Variants in TMEM132D observed in about 807,000 individuals in gnomAD.
TMEM132D encodes transmembrane protein 132D, also known as mature OL transmembrane protein.
In TMEM132D, 21 loss-of-function variants were observed where a neutral mutation model predicts 62.3. That is an observed-to-expected ratio of 0.34 (90% CI 0.24 to 0.49). The LOEUF (loss-of-function observed/expected upper bound fraction) is 0.49. Ranked by LOEUF, TMEM132D falls within the 20% of genes least tolerant of loss-of-function variation. The pLI, the probability that TMEM132D is intolerant of heterozygous loss-of-function variation, is 0.99. For synonymous variants in TMEM132D, 621 were observed against 575.6 expected, an observed-to-expected ratio of 1.08 and a Z score of -1.13; for missense variants, 1,346 against 1,402.8, an observed-to-expected ratio of 0.96 and a Z score of 0.65.
chr12:129,147,294 G>GTA (rs1220769414), intron 5 of TMEM132D, among the ~76,000 whole-genome samples: 9 of 148,794 alleles, frequency 6.0e-5, no homozygotes, highest in African/African-American at 2.0e-4. Context: ...ATGTGCATAT[G>GTA]TATATATATA....
chr12:129,167,523 G>T (rs1877601186), intron 5 of TMEM132D, among the ~76,000 whole-genome samples: 1 of 152,062 alleles, frequency 6.6e-6, no homozygotes, highest in Admixed American at 6.6e-5. Context: ...GGAGTCAGGG[G>T]CCTCTGCAGG....
chr12:129,308,432 C>T (rs147934177), intron 4 of TMEM132D, among the ~76,000 whole-genome samples: 6 of 152,236 alleles, frequency 3.9e-5, no homozygotes, highest in African/African-American at 1.2e-4. Context: ...TATGGTACGT[C>T]GTGTACATAA....
chr12:129,297,747 C>T (rs568543615), intron 4 of TMEM132D, among the ~76,000 whole-genome samples: 3 of 152,148 alleles, frequency 2.0e-5, no homozygotes, highest in Non-Finnish European at 2.9e-5. Context: ...CGTTATCAAA[C>T]GACCTCATCG....
intron 4 of TMEM132D, among the ~76,000 whole-genome samples, chr12:129,246,150 G>A (rs567029120): frequency 4.4e-4 from 67 of 152,234 alleles, no homozygotes; most frequent in Non-Finnish European, 4.0e-4. Context: ...CTCATGTGCA[G>A]ACTGTAAACC....
intron 2 of TMEM132D, among the ~76,000 whole-genome samples, chr12:129,597,403 C>T (rs2137139850): frequency 6.6e-6 from 1 of 152,226 alleles, no homozygotes; most frequent in African/African-American, 2.4e-5. Flanking sequence ...AAACAACTTT[C>T]CTATAATGAA....
At chr12:129,540,567 C>T (rs575588133) in intron 2 of TMEM132D, among the ~76,000 whole-genome samples, 67 of 152,094 alleles carry the variant, frequency 4.4e-4, no homozygotes, top group African/African-American at 1.5e-3. Context: ...CTCACTGCAA[C>T]CTCCACCTCC....
At chr12:129,794,253 A>ATTTTTTTTTTTTTTT (rs3046861) in intron 1 of TMEM132D, among the ~76,000 whole-genome samples, 1 of 111,576 alleles carries the variant, frequency 9.0e-6, no homozygotes, top group Non-Finnish European at 1.8e-5. Flanking sequence ...CATGCCCAGC[A>ATTTTTTTTTTTTTTT]TTTTTTTTTT....
At chr12:129,815,256 A>G (rs79522457) in intron 1 of TMEM132D, among the ~76,000 whole-genome samples, 4,346 of 152,316 alleles carry the variant, frequency 0.029, 199 homozygotes, top group African/African-American at 0.097. Flanking sequence ...ACAAAAAAAA[A>G]TCCACAGAAA....
chr12:129,096,041 A>G (rs1235371449), intron 5 of TMEM132D, among the ~76,000 whole-genome samples: 1 of 152,114 alleles, frequency 6.6e-6, no homozygotes, highest in East Asian at 1.9e-4. Context: ...GGCTTCATAG[A>G]TCAGAGGTGT....
intron 1 of TMEM132D, among the ~76,000 whole-genome samples, chr12:129,877,003 T>A (rs1457301815): frequency 6.6e-6 from 1 of 152,054 alleles, no homozygotes; most frequent in Non-Finnish European, 1.5e-5. Flanking sequence ...AGCGTGGGAA[T>A]AGATGCAGAG....
At position 129,076,334 on chromosome 12, in the gene TMEM132D, C is replaced by T. The variant is rs1425525813; in HGVS notation, c.2116-1275G>A. Reference sequence around the variant, plus strand: ...ACCTTCCCTTTCCTCCAAGGTCTTGCAGCTGGGTTCTGTGAGATCCCTATA... The same window carrying T: ...ACCTTCCCTTTCCTCCAAGGTCTTGTAGCTGGGTTCTGTGAGATCCCTATA... On this transcript the variant is annotated intron_variant, in intron 8 of 8. Coordinates refer to ENST00000422113, the MANE Select transcript of TMEM132D (RefSeq NM_133448.3). Among the ~76,000 whole-genome samples, 5 of 152,298 alleles carry T rather than the reference C, an allele frequency of 3.3e-5. No individual in the cohort carries two copies. In the East Asian group the frequency reaches 9.6e-4, roughly 29 times the overall value.
intron 2 of TMEM132D, among the ~76,000 whole-genome samples, chr12:129,681,044 C>T (rs1183950780): frequency 6.6e-6 from 1 of 152,156 alleles, no homozygotes; most frequent in Non-Finnish European, 1.5e-5. Flanking sequence ...AAAGCCAGAG[C>T]TGGGTGATGT....
At position 129,699,816 on chromosome 12, in the gene TMEM132D, G is replaced by A. The variant is rs1881332562; in HGVS notation, c.962C>T (p.Thr321Met). ...ISRNSTEDRF[T>M]LRAKVKKGVN... ...ACATTGGGAAACGACTTACCTCAACGTGAAGCGATCTTCAGTGGAATTTCT... is the reference window on the plus strand; with the variant it reads ...ACATTGGGAAACGACTTACCTCAACATGAAGCGATCTTCAGTGGAATTTCT... The change falls in exon 2 of 9, where the codon ACG becomes ATG. Residue 321 changes from threonine (T) to methionine (M), a missense_variant. Coordinates refer to ENST00000422113, the MANE Select transcript of TMEM132D (RefSeq NM_133448.3). 4 of 1,613,836 alleles carry A rather than the reference G, an allele frequency of 2.5e-6. No homozygotes were observed. Among genetic ancestry groups the A allele is most frequent in the Non-Finnish European group, 2.5e-6 (3 of 1,179,862 alleles).
intron 1 of TMEM132D, among the ~76,000 whole-genome samples, chr12:129,862,138 T>C (rs1873920131): frequency 6.6e-6 from 1 of 152,220 alleles, no homozygotes; most frequent in South Asian, 2.1e-4. Context: ...ACATGTGTGA[T>C]ACTCTTTCTC....
At chr12:129,495,348 G>T (rs1388903) in intron 3 of TMEM132D, among the ~76,000 whole-genome samples, 83,945 of 151,944 alleles carry the variant, frequency 0.55, 23,808 homozygotes, top group African/African-American at 0.69. Flanking sequence ...GGCTGACAAT[G>T]GAGACCTCCC....
At chr12:129,655,519 T>A (rs994412219) in intron 2 of TMEM132D, among the ~76,000 whole-genome samples, 6 of 151,790 alleles carry the variant, frequency 4.0e-5, no homozygotes, top group African/African-American at 1.5e-4. Context: ...AGTGCTGGGA[T>A]TACAGGCATG....
At chr12:129,706,086 A>C (rs1881500016) in intron 1 of TMEM132D, among the ~76,000 whole-genome samples, 1 of 151,778 alleles carries the variant, frequency 6.6e-6, no homozygotes, top group South Asian at 2.1e-4. Context: ...TTGAATGCAC[A>C]GATAAACAAA....
chr12:129,420,483 C>T (rs1384209523), intron 3 of TMEM132D, among the ~76,000 whole-genome samples: 1 of 152,010 alleles, frequency 6.6e-6, no homozygotes, highest in East Asian at 1.9e-4. Flanking sequence ...TCATCGAAGG[C>T]TGTCAAATAA....
chr12:129,649,362 C>T (rs1162916635), intron 2 of TMEM132D, among the ~76,000 whole-genome samples: 4 of 152,012 alleles, frequency 2.6e-5, no homozygotes, highest in Non-Finnish European at 4.4e-5. Flanking sequence ...AAAATGCCTC[C>T]ACAAGCCACC....
Sources: gnomAD v4.1 joint callset for allele counts (sites outside exome capture counted in the v4.1 genomes callset) on GRCh38, gnomAD v4.1.1 for gene constraint, MANE v1.5 for transcripts, NCBI Gene and HGNC (gene_info 2026-07-23, HGNC 2026-07-21) for gene names.